Variants in SCAMP4 observed in about 807,000 individuals in gnomAD.
SCAMP4 encodes the protein secretory carrier membrane protein 4.
Under a neutral mutation model 32.1 loss-of-function variants are expected in SCAMP4, and 19 were observed. The ratio of observed to expected loss-of-function variants is 0.59; its 90% confidence interval spans 0.41 to 0.87. The LOEUF (loss-of-function observed/expected upper bound fraction) is 0.87. Among genes scored for constraint, SCAMP4 ranks in the 40% least tolerant of loss-of-function variants. The pLI, the probability that SCAMP4 is intolerant of heterozygous loss-of-function variation, is 0.00. For missense variants in SCAMP4, 302 were observed against 309.0 expected (o/e 0.98, Z 0.17); for synonymous variants, 152 against 132.7 (o/e 1.15, Z -1.00).
intron 5 of SCAMP4, 158 bp from the exon 6 acceptor site, chr19:1,922,912 A>C: frequency 7.4e-7 from 1 of 1,345,988 alleles, no homozygotes; most frequent in East Asian, 3.0e-5. Flanking sequence ...GCCTCTCAGT[A>C]TCGCTTTATG....
At chr19:1,911,972 G>C in intron 1 of SCAMP4, 1 of 1,405,818 alleles carries the variant, frequency 7.1e-7, no homozygotes. Context: ...TTTGGTGGCA[G>C]CACGCCCTGC....
chr19:1,917,526 G>A (rs1482688678), intron 2 of SCAMP4, among the ~76,000 whole-genome samples, 168 bp from the exon 3 acceptor site: 1 of 152,034 alleles, frequency 6.6e-6, no homozygotes, highest in East Asian at 1.9e-4. Flanking sequence ...GTCTCCTCTC[G>A]TGAGGCTGCC....
chr19:1,921,828 AAG>A (rs1438059464), intron 5 of SCAMP4: 5 of 984,944 alleles, frequency 5.1e-6, no homozygotes, highest in East Asian at 1.1e-4. Context: ...GAAAAAAAAA[AAG>A]AGGAAGGAAT....
At chr19:1,922,792 T>C (rs979159502) in intron 5 of SCAMP4, 108 of 1,104,864 alleles carry the variant, frequency 9.8e-5, no homozygotes, top group Non-Finnish European at 1.1e-4. Flanking sequence ...ACTGCTGCGA[T>C]GGTGAAGGGA....
chr19:1,909,968 A>G (rs1221875882), intron 1 of SCAMP4, among the ~76,000 whole-genome samples: 1 of 152,232 alleles, frequency 6.6e-6, no homozygotes, highest in Non-Finnish European at 1.5e-5. Context: ...GAGTGTTTAC[A>G]GAAACCACTG....
chr19:1,921,280 C>T (rs772238816), intron 5 of SCAMP4: 61 of 985,326 alleles, frequency 6.2e-5, no homozygotes, highest in Non-Finnish European at 7.1e-5. Flanking sequence ...GCAGCTTCAC[C>T]AGCGTCACCT....
rs1394869511 is a variant in SCAMP4 at position 1,918,148 on chromosome 19, T to C, written c.158T>C (p.Val53Ala). 1 of 1,612,768 alleles carries C rather than the reference T, an allele frequency of 6.2e-7. No individual in the cohort carries two copies. The highest frequency in any genetic ancestry group is 8.5e-7 in the Non-Finnish European group (1 of 1,179,648). The change falls in exon 4 of 7, where the codon GTC becomes GCC. Residue 53 changes from valine (V) to alanine (A), a missense_variant. Coordinates refer to ENST00000316097, the MANE Select transcript of SCAMP4 (RefSeq NM_079834.4). ...GCAGTTTACTGCGCCACCCTCGGCGTCAACCTCATTGCCTGCCTGGCCTGG... is the reference window on the plus strand; with the variant it reads ...GCAGTTTACTGCGCCACCCTCGGCGCCAACCTCATTGCCTGCCTGGCCTGG... Reference protein sequence around the residue: ...LWMFYCATLGVNLIACLAWWI... With the variant: ...LWMFYCATLGANLIACLAWWI...
chr19:1,909,715 G>A (rs7247750), intron 1 of SCAMP4, among the ~76,000 whole-genome samples: 39,030 of 151,862 alleles, frequency 0.26, 5,911 homozygotes, highest in African/African-American at 0.39. Flanking sequence ...CAGGAGCCCC[G>A]GGAGTGATCC....
In SCAMP4 at chr19:1,913,090, G is replaced by A. The variant is rs766703479; in HGVS notation, c.-41-1889G>A. 12 of 1,599,832 alleles carry A rather than the reference G, an allele frequency of 7.5e-6. No individual in the cohort carries two copies. The highest frequency in any genetic ancestry group is 1.1e-5 in the South Asian group (1 of 90,584). The stretch of plus-strand genomic sequence containing the variant: ...CACGCACGGCCCGACCTCAACCACC[G>A]CTTCCAGGTGTTCCGCGGGGTGCTG... On this transcript the variant is annotated intron_variant, in intron 1 of 6. Coordinates refer to ENST00000316097, the MANE Select transcript of SCAMP4 (RefSeq NM_079834.4).
intron 1 of SCAMP4, chr19:1,913,300 C>T (rs867890343): frequency 5.7e-6 from 7 of 1,220,244 alleles, no homozygotes; most frequent in South Asian, 3.3e-5. Flanking sequence ...TGCTGCCTTC[C>T]GTGCGGATCG....
chr19:1,920,935 C>T (rs1237236251), intron 5 of SCAMP4: 1 of 985,272 alleles, frequency 1.0e-6, no homozygotes, highest in Non-Finnish European at 1.2e-6. Flanking sequence ...TGGCTCTTCT[C>T]ATTGGAGCCT....
chr19:1,915,140 C>A, intron 2 of SCAMP4, 114 bp downstream of exon 2: 2 of 1,295,672 alleles, frequency 1.5e-6, no homozygotes, highest in South Asian at 1.2e-5. Context: ...CCTGGCCCAC[C>A]TGGCCTCTGA....
chr19:1,915,330 G>A (rs1039435162), intron 2 of SCAMP4: 33 of 489,710 alleles, frequency 6.7e-5, no homozygotes, highest in Non-Finnish European at 9.3e-5. Context: ...CATGTGCCCC[G>A]GGGTCCCTCA....
rs749249246 is a variant in SCAMP4 at position 1,924,237 on chromosome 19, G to A, written c.643G>A (p.Glu215Lys). Residue 215 changes from glutamate to lysine, a missense_variant, in exon 7 of 7, where the codon GAG (glutamate) becomes AAG (lysine). Glu to Lys is a moderately conservative substitution (Grantham distance 56, BLOSUM62 1). Transcript: ENST00000316097. ...YNNFSGNSLP[E>K]YPTVPSYPGS... is the part of the protein sequence containing the mutation. ...CAACTTCTCAGGCAACAGCCTGCCC[G>A]AGTACCCCACTGTGCCCAGCTACCC... 45 of 1,605,496 alleles carry A rather than the reference G, an allele frequency of 2.8e-5. 1 individual carries two copies. Among genetic ancestry groups the A allele is most frequent in the Admixed American group, 1.0e-4 (6 of 58,834 alleles).
intron 1 of SCAMP4, among the ~76,000 whole-genome samples, chr19:1,907,612 C>G (rs376151918): frequency 6.6e-6 from 1 of 152,136 alleles, no homozygotes; most frequent in Non-Finnish European, 1.5e-5. Flanking sequence ...AGATAAAGGC[C>G]TCCCAGCCTC....
rs2014081478 is a variant in SCAMP4 at position 1,925,852 on chromosome 19, C to G, written c.*1568C>G. 1 of 152,714 alleles carries G rather than the reference C, an allele frequency of 6.5e-6. No individual in the cohort carries two copies. The highest frequency in any genetic ancestry group is 2.4e-5 in the African/African-American group (1 of 41,440). The allele number at this position is 152,714 out of a possible 1,614,324, so 9.5% of individuals were successfully genotyped here. A position where few individuals can be genotyped will look rare whatever the true frequency, so the allele number is the denominator to read the frequency against. The stretch of plus-strand genomic sequence containing the variant: ...CCCCGGCCAGTCTGCCAAGAGGCAC[C>G]CCCTTCCCCAGCCTCTCGCCTGCAC... On this transcript the variant is annotated 3_prime_UTR_variant, in exon 7 of 7. Coordinates refer to ENST00000316097, the MANE Select transcript of SCAMP4 (RefSeq NM_079834.4).
chr19:1,916,854 C>T (rs572888538), intron 2 of SCAMP4, among the ~76,000 whole-genome samples: 4 of 152,214 alleles, frequency 2.6e-5, no homozygotes, highest in Admixed American at 6.5e-5. Flanking sequence ...CCGCAGTGTG[C>T]GGACTCGGCC....
rs765018277 is a variant in SCAMP4, at chr19:1,923,112, C to T, written c.438C>T (p.Gly146=). Residue 146 remains glycine (G), a synonymous_variant, in exon 6 of 7, where the codon GGC becomes GGT. Coordinates refer to ENST00000316097, the MANE Select transcript of SCAMP4 (RefSeq NM_079834.4). ...SAIGFFQYSP[G]AAVVMLLPAI... is the part of the protein sequence containing the mutation. ...TTGGATTCTTCCAGTACAGCCCGGGCGCTGCCGTGGTCATGCTGCTTCCAG... is the reference window on the plus strand; with the variant it reads ...TTGGATTCTTCCAGTACAGCCCGGGTGCTGCCGTGGTCATGCTGCTTCCAG... 4.6e-5 allele frequency: 71 copies of T among 1,552,624 alleles called. No homozygotes were observed. Among genetic ancestry groups the T allele is most frequent in the Admixed American group, 2.9e-4 (15 of 51,118 alleles).
Position 1,924,699 on chromosome 19 carries a change from C to T in SCAMP4, c.*415C>T, listed in dbSNP as rs373906254. 111 of 198,722 alleles carry T rather than the reference C, an allele frequency of 5.6e-4. No individual in the cohort carries two copies. Among genetic ancestry groups the T allele is most frequent in the African/African-American group, 2.2e-3 (98 of 44,426 alleles). 12.3% of individuals were successfully genotyped at this position (198,722 alleles called of 1,614,324 possible). ...TCAGAGCGGGTCTGATGGGGAGCTCCGTCTCACCGGCCACCCGCCGTCACC... is the reference window on the plus strand; with the variant it reads ...TCAGAGCGGGTCTGATGGGGAGCTCTGTCTCACCGGCCACCCGCCGTCACC... On this transcript the variant is annotated 3_prime_UTR_variant, in exon 7 of 7. Transcript: ENST00000316097.
Sources: gnomAD v4.1 joint callset for allele counts (sites outside exome capture counted in the v4.1 genomes callset) on GRCh38, gnomAD v4.1.1 for gene constraint, MANE v1.5 for transcripts, NCBI Gene and HGNC (gene_info 2026-07-23, HGNC 2026-07-21) for gene names.